The following NPC2 variants were observed in gnomAD, a reference collection of about 807,000 sequenced individuals.
NPC2 encodes the protein Niemann-Pick disease type C2 protein.
A neutral mutation model predicts 17.0 loss-of-function variants in NPC2; 14 were observed. The observed-to-expected ratio is 0.82, with a 90% CI of 0.54 to 1.29. The LOEUF is 1.29. NPC2 is among the 50% of genes most tolerant of loss of function. The probability of loss-of-function intolerance (pLI) is 0.00; values close to 1 mark genes in which losing one functional copy is unlikely to be tolerated. For missense variants in NPC2, 167 were observed against 183.4 expected (o/e 0.91, Z 0.52); for synonymous variants, 75 against 69.3 (o/e 1.08, Z -0.41).
At position 74,493,123 on chromosome 14, in the gene NPC2, G is replaced by C. The variant is rs1398992704; in HGVS notation, c.82+70C>G. 1 of 1,538,830 alleles carries C rather than the reference G, an allele frequency of 6.5e-7. No homozygotes were observed. The highest frequency in any genetic ancestry group is 8.8e-7 in the Non-Finnish European group (1 of 1,136,184). On this transcript the variant is annotated intron_variant, in intron 1 of 4. Transcript: ENST00000555619. The surrounding 1 kb of genome is among the most constrained non-coding windows in gnomAD (Gnocchi z 4.1). ...GGATCCGCCCAGCCCAGCCCCAGGG[G>C]TCTCAGCGCGGGGGTCCGGCGGGGC...
intron 2 of NPC2, among the ~76,000 whole-genome samples, chr14:74,485,294 C>CAAAAAAAAAAAAAAAAAAAAAAAAAAA (rs61395005): frequency 1.4e-5 from 1 of 71,332 alleles, no homozygotes; most frequent in African/African-American, 7.7e-5. Context: ...GACTCTGTCA[C>CAAAAAAAAAAAAAAAAAAAAAAAAAAA]AAAAAAAAAA....
At position 74,484,594 on chromosome 14, in the gene NPC2, G is replaced by C. The variant is rs2086689980; in HGVS notation, c.191-7C>G. ...CTGCTTTTAGACTGAATATCTAAGA[G>C]AAAAAAAGAGAATCAGATGGCAAAG... On this transcript the variant is annotated splice_polypyrimidine_tract_variant and splice_region_variant and intron_variant, in intron 2 of 4. Coordinates refer to ENST00000555619, the MANE Select transcript of NPC2 (RefSeq NM_006432.5). The C allele has an allele frequency of 6.2e-7, 1 of 1,612,876 alleles. No individual in the cohort carries two copies. The highest frequency in any genetic ancestry group is 8.5e-7 in the Non-Finnish European group (1 of 1,179,632).
chr14:74,491,748 T>C (rs1181252491), intron 1 of NPC2, among the ~76,000 whole-genome samples: 1 of 152,210 alleles, frequency 6.6e-6, no homozygotes, highest in Non-Finnish European at 1.5e-5. Context: ...CACCTACCCA[T>C]CTTCCTTCTA....
upstream of NPC2, chr14:74,493,493 A>T (rs2086802036): frequency 9.3e-7 from 1 of 1,080,526 alleles, no homozygotes; most frequent in Non-Finnish European, 1.3e-6. This position sits in a 1 kb window ranked among gnomAD's most constrained non-coding sequence, Gnocchi z 4.1. Flanking sequence ...ATCCCCTCAG[A>T]GGCCTGACCC....
At chr14:74,487,435 A>G (rs1167004444) in intron 1 of NPC2, among the ~76,000 whole-genome samples, 1 of 150,886 alleles carries the variant, frequency 6.6e-6, no homozygotes, top group Non-Finnish European at 1.5e-5. Context: ...CACCCGGCTA[A>G]TTTTTGTGTT....
intron 3 of NPC2, among the ~76,000 whole-genome samples, chr14:74,481,694 T>C (rs1025552961): frequency 5.3e-5 from 8 of 152,232 alleles, no homozygotes; most frequent in Non-Finnish European, 1.2e-4. Context: ...ATTTCAAGGA[T>C]GACAACCTTT....
Position 74,480,114 on chromosome 14 carries a change from GC to G in NPC2, c.*159del, listed in dbSNP as rs746004807. ...GACATGAGACAACCACTGAGAACCA[GC>G]CACCCGGAGCTCAGTTTCTGCTACA... On this transcript the variant is annotated 3_prime_UTR_variant, in exon 5 of 5. Coordinates refer to ENST00000555619, the MANE Select transcript of NPC2 (RefSeq NM_006432.5). 5 of 1,555,972 alleles carry G rather than the reference GC, an allele frequency of 3.2e-6. No homozygotes were observed. In the South Asian group the frequency reaches 5.9e-5, roughly 18 times the overall value.
intron 1 of NPC2, among the ~76,000 whole-genome samples, chr14:74,490,430 C>T (rs2086758707): frequency 6.6e-6 from 1 of 152,222 alleles, no homozygotes; most frequent in South Asian, 2.1e-4. Context: ...GAAACACTCT[C>T]TTCCACTCCA....
intron 3 of NPC2, among the ~76,000 whole-genome samples, chr14:74,483,899 G>A (rs2086680628): frequency 6.6e-6 from 1 of 152,124 alleles, no homozygotes; most frequent in Non-Finnish European, 1.5e-5. Context: ...TAATGATATT[G>A]ATATTGCAGT....
intron 2 of NPC2, among the ~76,000 whole-genome samples, 168 bp from the exon 3 acceptor site, chr14:74,484,755 CAAAAAAAAAAAAA>C (rs71115996): frequency 1.2e-5 from 1 of 85,232 alleles, no homozygotes; most frequent in East Asian, 3.7e-4. Context: ...CACAATTATG[CAAAAAAAAAAAAA>C]AAAAAAAAAA....
intron 4 of NPC2, 125 bp downstream of exon 4, chr14:74,480,577 G>A (rs1387116764): frequency 2.3e-6 from 2 of 865,706 alleles, no homozygotes; most frequent in Non-Finnish European, 4.0e-6. Flanking sequence ...GCTTTTAGAG[G>A]TTGAGAGGCA....
Position 74,484,592 on chromosome 14 carries a change from GAGAA to G in NPC2, c.191-9_191-6del, listed in dbSNP as rs773144155. 2 of 1,613,188 alleles carry G rather than the reference GAGAA, an allele frequency of 1.2e-6. No individual in the cohort carries two copies. The highest frequency in any genetic ancestry group is 2.7e-5 in the African/African-American group (2 of 74,752). On this transcript the variant is annotated splice_polypyrimidine_tract_variant and splice_region_variant and intron_variant, in intron 2 of 4. Coordinates refer to ENST00000555619, the MANE Select transcript of NPC2 (RefSeq NM_006432.5). ...TGCTGCTTTTAGACTGAATATCTAA[GAGAA>G]AAAAAGAGAATCAGATGGCAAAGAA... is the stretch of plus-strand genomic sequence containing the variant.
intron 3 of NPC2, chr14:74,482,919 G>T: frequency 2.0e-6 from 1 of 488,410 alleles, no homozygotes; most frequent in South Asian, 2.0e-5. Context: ...GAGGGAGGAG[G>T]AGGTGGAGGA....
In NPC2 at chr14:74,480,751, T is replaced by C; in HGVS notation, c.392A>G (p.Gln131Arg). The part of the protein sequence containing the change: ...SIKLVVEWQL[Q>R]DDKNQSLFCW... ...GAAGAGACTTTGGTTTTTGTCATCC[T>C]GAAGTTGCCACTCCACCACCAGTTT... The change falls in exon 4 of 5, where the codon CAG (glutamine) becomes CGG (arginine). Residue 131 changes from glutamine (Q) to arginine (R), a missense_variant. Coordinates refer to ENST00000555619, the MANE Select transcript of NPC2 (RefSeq NM_006432.5). 1 of 1,614,124 alleles carries C rather than the reference T, an allele frequency of 6.2e-7. No individual in the cohort carries two copies. Among genetic ancestry groups the C allele is most frequent in the Non-Finnish European group, 8.5e-7 (1 of 1,179,958 alleles).
chr14:74,481,863 A>G (rs553202927), intron 3 of NPC2, among the ~76,000 whole-genome samples: 1 of 152,224 alleles, frequency 6.6e-6, no homozygotes, highest in African/African-American at 2.4e-5. Context: ...TTATGTGGAC[A>G]TTAGCTTACT....
chr14:74,492,813 G>A (rs1371003080), intron 1 of NPC2, among the ~76,000 whole-genome samples: 2 of 152,240 alleles, frequency 1.3e-5, no homozygotes, highest in Admixed American at 1.3e-4. Context: ...AAAAGGAGTT[G>A]GAAGGGGGAG....
At chr14:74,489,078 AG>A (rs2139672745) in intron 1 of NPC2, among the ~76,000 whole-genome samples, 1 of 152,354 alleles carries the variant, frequency 6.6e-6, no homozygotes, top group African/African-American at 2.4e-5. Flanking sequence ...GGGGATGAAG[AG>A]GAGTACAGAG....
At chr14:74,493,342 C>G (rs578161135), upstream of NPC2, 775 of 1,574,532 alleles carry the variant, frequency 4.9e-4, 4 homozygotes, top group African/African-American at 9.1e-3. This position sits in a 1 kb window ranked among gnomAD's most constrained non-coding sequence, Gnocchi z 4.1. Flanking sequence ...ACAAACCTGT[C>G]GGGGCGGGCC....
At chr14:74,481,197 C>T (rs1427722364) in intron 3 of NPC2, among the ~76,000 whole-genome samples, 4 of 152,182 alleles carry the variant, frequency 2.6e-5, no homozygotes, top group Non-Finnish European at 5.9e-5. Flanking sequence ...GGCTTAGCAC[C>T]GTCCCCTTGG....
Sources: gnomAD v4.1 joint callset for allele counts (sites outside exome capture counted in the v4.1 genomes callset) on GRCh38, gnomAD v4.1.1 for gene constraint, Gnocchi (gnomAD v3.1) non-coding constraint, MANE v1.5 for transcripts, NCBI Gene and HGNC (gene_info 2026-07-23, HGNC 2026-07-21) for gene names.